The following ATXN7L1 variants were observed in gnomAD, a reference collection of about 807,000 sequenced individuals.
ATXN7L1 encodes ataxin 7 like 1, also known as ataxin-7-like protein 1.
ATXN7L1 carries 15 observed loss-of-function variants against 70.8 expected under a neutral mutation model. That is an observed-to-expected ratio of 0.21 (90% confidence interval 0.14 to 0.33). The LOEUF (loss-of-function observed/expected upper bound fraction) is 0.33. ATXN7L1 is among the 10% of genes least tolerant of loss of function. ATXN7L1 has a pLI of 1.00. For missense variants in ATXN7L1, 975 were observed against 1,097.1 expected, an observed-to-expected ratio of 0.89 and a Z score of 1.57; for synonymous variants, 440 against 445.1, an observed-to-expected ratio of 0.99 and a Z score of 0.14.
intron 4 of ATXN7L1, among the ~76,000 whole-genome samples, chr7:105,652,769 T>G (rs1254920471): frequency 6.6e-6 from 1 of 152,184 alleles, no homozygotes. Context: ...TTCAAGAAGC[T>G]TTTTCTGAGC....
chr7:105,832,438 T>C (rs1156932717), intron 2 of ATXN7L1, among the ~76,000 whole-genome samples: 5 of 152,228 alleles, frequency 3.3e-5, no homozygotes, highest in Non-Finnish European at 2.9e-5. Context: ...AGATTACGAT[T>C]TGCTACAGAA....
chr7:105,788,542 G>A (rs1212562900), intron 3 of ATXN7L1, 62 bp downstream of exon 3: 4 of 1,356,026 alleles, frequency 2.9e-6, no homozygotes, highest in African/African-American at 1.4e-5. Context: ...GAGCCCAGGG[G>A]AAGGCGACTG....
At chr7:105,698,884 T>G (rs1322504441) in intron 3 of ATXN7L1, among the ~76,000 whole-genome samples, 1 of 150,862 alleles carries the variant, frequency 6.6e-6, no homozygotes, top group Non-Finnish European at 1.5e-5. Context: ...GTGTTTTGCA[T>G]GAACAAATGA....
At chr7:105,709,241 G>T (rs1248790050) in intron 3 of ATXN7L1, among the ~76,000 whole-genome samples, 1 of 152,186 alleles carries the variant, frequency 6.6e-6, no homozygotes, top group Non-Finnish European at 1.5e-5. Flanking sequence ...GGCTGAGGCA[G>T]GAGAATTGCT....
Position 105,678,109 on chromosome 7 carries a change from T to TC in ATXN7L1, c.356-12822dup, listed in dbSNP as rs199523803. The TC allele has an allele frequency of 3.9e-3, 2,315 of 600,352 alleles. 2 individuals are homozygous for TC. Among genetic ancestry groups the TC allele is most frequent in the Non-Finnish European group, 4.6e-3 (2,211 of 478,818 alleles). The allele number at this position is 600,352 out of a possible 1,614,324, so 37.2% of individuals were successfully genotyped here. ...GACACATACTTTTTTTTTTTTTTTT[T>TC]CCTTTCTGGCCCCCTTTTCTCTCCC... On this transcript the variant is annotated intron_variant, in intron 3 of 11. Coordinates refer to ENST00000419735, the MANE Select transcript of ATXN7L1 (RefSeq NM_020725.2).
intron 3 of ATXN7L1, among the ~76,000 whole-genome samples, chr7:105,726,859 T>C (rs1321620864): frequency 6.6e-6 from 1 of 152,238 alleles, no homozygotes; most frequent in Non-Finnish European, 1.5e-5. Flanking sequence ...GCATCTACTT[T>C]AGCATCACTG....
At chr7:105,622,570 C>A (rs762882237) in intron 8 of ATXN7L1, among the ~76,000 whole-genome samples, 13 of 152,218 alleles carry the variant, frequency 8.5e-5, no homozygotes, top group Non-Finnish European at 1.6e-4. Context: ...GCTAACAGAA[C>A]CACACTTTTA....
chr7:105,868,270 G>A (rs767810293), intron 2 of ATXN7L1, among the ~76,000 whole-genome samples: 2 of 152,106 alleles, frequency 1.3e-5, no homozygotes, highest in African/African-American at 4.8e-5. Flanking sequence ...AGCACTCATC[G>A]CGGTCTACCT....
intron 3 of ATXN7L1, among the ~76,000 whole-genome samples, chr7:105,678,808 T>A (rs2116146814): frequency 6.6e-6 from 1 of 152,138 alleles, no homozygotes; most frequent in African/African-American, 2.4e-5. Flanking sequence ...AATAGACTGG[T>A]CCCCAACCCA....
chr7:105,712,195 G>A (rs769672745), intron 3 of ATXN7L1, among the ~76,000 whole-genome samples: 1 of 152,254 alleles, frequency 6.6e-6, no homozygotes, highest in Admixed American at 6.5e-5. Flanking sequence ...GCTGGACTCT[G>A]AGCCTGGCCC....
At chr7:105,819,445 TAA>T (rs369266871) in intron 2 of ATXN7L1, 32,241 of 532,262 alleles carry the variant, frequency 0.061, no homozygotes, top group South Asian at 0.074. Flanking sequence ...ATTTGGGATT[TAA>T]AAAAAAAAAA....
chr7:105,662,027 TTTCCTTCCTTCCTTCC>T (rs1231104302), intron 4 of ATXN7L1, among the ~76,000 whole-genome samples: 2 of 48,894 alleles, frequency 4.1e-5, no homozygotes, highest in Admixed American at 2.2e-4. Context: ...TCTTTCTTTC[TTTCCTTCCTTCCTTCC>T]TTCCTTCCTT....
intron 3 of ATXN7L1, among the ~76,000 whole-genome samples, chr7:105,773,432 C>T (rs1337571156): frequency 6.6e-6 from 1 of 152,116 alleles, no homozygotes; most frequent in Admixed American, 6.5e-5. Context: ...ACGAGACTGT[C>T]CTTGAATTGC....
intron 3 of ATXN7L1, among the ~76,000 whole-genome samples, chr7:105,683,997 C>G (rs1005611567): frequency 2.0e-5 from 3 of 152,192 alleles, no homozygotes; most frequent in Non-Finnish European, 4.4e-5. Context: ...AGTGCAGTTG[C>G]TCATCCACAC....
At chr7:105,676,965 C>T (rs1049670635) in intron 3 of ATXN7L1, among the ~76,000 whole-genome samples, 12 of 152,340 alleles carry the variant, frequency 7.9e-5, no homozygotes, top group Middle Eastern at 3.4e-3. Context: ...ATCTTCCCAA[C>T]GCTGTCTTGA....
At chr7:105,749,013 A>G (rs1028005082) in intron 3 of ATXN7L1, among the ~76,000 whole-genome samples, 6 of 152,126 alleles carry the variant, frequency 3.9e-5, no homozygotes, top group Non-Finnish European at 5.9e-5. Context: ...GCATGAGGAG[A>G]AGGAAGGGAA....
At chr7:105,612,966 T>C (rs989815028) in intron 10 of ATXN7L1, among the ~76,000 whole-genome samples, 3 of 152,130 alleles carry the variant, frequency 2.0e-5, no homozygotes, top group African/African-American at 7.2e-5. Flanking sequence ...GGGTCTAGGC[T>C]CCCGGGCAGG....
chr7:105,875,627 A>ACCCCCCCCCCCCCCCTTTCCC (rs3835024), intron 2 of ATXN7L1, among the ~76,000 whole-genome samples, 185 bp downstream of exon 2: 1 of 94,778 alleles, frequency 1.1e-5, no homozygotes, highest in Non-Finnish European at 2.0e-5. Context: ...ACCCCCCTTT[A>ACCCCCCCCCCCCCCCTTTCCC]CCCCCCCCCC....
intron 2 of ATXN7L1, among the ~76,000 whole-genome samples, chr7:105,808,170 C>G (rs1807893471): frequency 6.6e-6 from 1 of 152,206 alleles, no homozygotes; most frequent in African/African-American, 2.4e-5. Context: ...TGCAGGCAGC[C>G]CTGGTGGGTG....
Sources: gnomAD v4.1 joint callset for allele counts (sites outside exome capture counted in the v4.1 genomes callset) on GRCh38, gnomAD v4.1.1 for gene constraint, MANE v1.5 for transcripts, NCBI Gene and HGNC (gene_info 2026-07-23, HGNC 2026-07-21) for gene names.